Variants in KIRREL3 observed in about 807,000 individuals in gnomAD.
The protein encoded by KIRREL3 is kirre like nephrin family adhesion molecule 3, also known as kin of IRRE-like protein 3.
KIRREL3 carries 36 observed loss-of-function variants against 89.7 expected under a neutral mutation model. The ratio of observed to expected loss-of-function variants is 0.40; its 90% CI spans 0.31 to 0.53. The LOEUF (loss-of-function observed/expected upper bound fraction) is 0.53, where lower values mean the gene tolerates loss of function less well. Ranked by LOEUF, KIRREL3 falls within the 20% of genes least tolerant of loss-of-function variation. KIRREL3 has a pLI of 0.49. For synonymous variants in KIRREL3, 445 were observed against 441.4 expected, an observed-to-expected ratio of 1.01 and a Z score of -0.10; for missense variants, 864 against 1,056.6, an observed-to-expected ratio of 0.82 and a Z score of 2.53.
At chr11:126,767,850 T>C (rs1039303444) in intron 1 of KIRREL3, among the ~76,000 whole-genome samples, 1 of 152,182 alleles carries the variant, frequency 6.6e-6, no homozygotes, top group South Asian at 2.1e-4. Context: ...TGGCTGACAA[T>C]TTGATTGGTG....
In KIRREL3 at chr11:126,635,688, G is replaced by GTCA. The variant is rs1246608771; in HGVS notation, c.56-72779_56-72777dup. ...TGACCCCAGCTGGATATCTGCTCAC[G>GTCA]TCATCAAAGCTCTTGAGGCCTCAGC... On this transcript the variant is annotated intron_variant, in intron 1 of 16. Transcript: ENST00000525144. This position sits in a 1 kb window ranked among gnomAD's most constrained non-coding sequence, Gnocchi z 4.0. 4.6e-5 allele frequency among the ~76,000 whole-genome samples: 7 copies of GTCA among 152,136 alleles called. No individual in the cohort carries two copies. The highest frequency in any genetic ancestry group is 7.2e-5 in the African/African-American group (3 of 41,434).
rs1399071992 is a variant in KIRREL3 at position 126,872,328 on chromosome 11, T to G, written c.55+128127A>C. ...CTAAGTAACCACCTCTTAATTTGCA[T>G]GTAAATAAAGGGGGTATAAACACAG... On this transcript the variant is annotated intron_variant, in intron 1 of 16. Coordinates refer to ENST00000525144, the MANE Select transcript of KIRREL3 (RefSeq NM_032531.4). The surrounding 1 kb of genome is among the most constrained non-coding windows in gnomAD (Gnocchi z 4.2). Among the ~76,000 whole-genome samples, 1 of 152,206 alleles carries G rather than the reference T, an allele frequency of 6.6e-6. No homozygotes were observed. Among genetic ancestry groups the G allele is most frequent in the Non-Finnish European group, 1.5e-5 (1 of 68,018 alleles).
chr11:126,852,374 T>C (rs7931792), intron 1 of KIRREL3, among the ~76,000 whole-genome samples: 2,283 of 152,230 alleles, frequency 0.015, 61 homozygotes, highest in African/African-American at 0.052. Flanking sequence ...TAATCTTAGC[T>C]CTACTATTTA....
chr11:126,859,104 A>C (rs1944627477), intron 1 of KIRREL3, among the ~76,000 whole-genome samples: 1 of 152,198 alleles, frequency 6.6e-6, no homozygotes, highest in Non-Finnish European at 1.5e-5. Context: ...ACCTTTGCTG[A>C]GCTACCTTGC....
intron 1 of KIRREL3, among the ~76,000 whole-genome samples, chr11:126,595,119 G>A (rs1435516041): frequency 1.3e-5 from 2 of 152,250 alleles, no homozygotes; most frequent in African/African-American, 4.8e-5. Flanking sequence ...CCGGCTGAGA[G>A]CACTCAAGAG....
chr11:126,464,881 G>A (rs1565476787), intron 5 of KIRREL3, among the ~76,000 whole-genome samples: 1 of 152,170 alleles, frequency 6.6e-6, no homozygotes. Context: ...GCCCTAGGAA[G>A]CAAACCCATC....
chr11:126,698,046 T>C (rs1380070562), intron 1 of KIRREL3, among the ~76,000 whole-genome samples: 1 of 152,182 alleles, frequency 6.6e-6, no homozygotes, highest in Non-Finnish European at 1.5e-5. Context: ...ATGGCACAGC[T>C]GAGGAGGAAA....
At chr11:126,960,050 G>A (rs1314604769) in intron 1 of KIRREL3, among the ~76,000 whole-genome samples, 2 of 152,044 alleles carry the variant, frequency 1.3e-5, no homozygotes, top group African/African-American at 2.4e-5. Context: ...TAGATACTTA[G>A]CACATGACTG....
intron 1 of KIRREL3, among the ~76,000 whole-genome samples, chr11:126,596,876 G>A (rs1215570172): frequency 1.3e-5 from 2 of 152,180 alleles, no homozygotes; most frequent in East Asian, 1.9e-4. Context: ...GACAGAGCCC[G>A]GGCTGCAGTT....
At position 126,876,342 on chromosome 11, in the gene KIRREL3, G is replaced by A. The variant is rs10790850; in HGVS notation, c.55+124113C>T. 0.84 allele frequency among the ~76,000 whole-genome samples: 127,322 copies of A among 152,106 alleles called. 53,427 individuals are homozygous for A. The highest frequency in any genetic ancestry group is 1 in the East Asian group (5,167 of 5,172). The stretch of plus-strand genomic sequence containing the variant: ...CCTGAAGGCACGGACTACAGAAAGG[G>A]AAAATGTGGAGAAGCAGATAGCAAT... On this transcript the variant is annotated intron_variant, in intron 1 of 16. Transcript: ENST00000525144. The surrounding 1 kb of genome is among the most constrained non-coding windows in gnomAD (Gnocchi z 4.1).
Position 126,521,501 on chromosome 11 carries a change from G to GGGT in KIRREL3, c.284-40_284-38dup, listed in dbSNP as rs781390300. 1.9e-6 allele frequency: 3 copies of GGGT among 1,550,670 alleles called. No individual in the cohort carries two copies. The African/African-American group carries it at 4.1e-5, about 21-fold the overall frequency. Reference sequence around the variant, plus strand: ...ACAGGCAGGTCAGGGAGCTGGGGTGGGGTGGAGGGGACACCCATGACAAAG... The same window carrying GGGT: ...ACAGGCAGGTCAGGGAGCTGGGGTGGGGTGGTGGAGGGGACACCCATGACAAAG... On this transcript the variant is annotated intron_variant, in intron 3 of 16. Coordinates refer to ENST00000525144, the MANE Select transcript of KIRREL3 (RefSeq NM_032531.4). The surrounding 1 kb of genome is among the most constrained non-coding windows in gnomAD (Gnocchi z 4.1).
rs1950833428 is a variant in KIRREL3 at position 126,797,027 on chromosome 11, G to T, written c.55+203428C>A. Among the ~76,000 whole-genome samples the T allele has an allele frequency of 6.6e-6, 1 of 152,224 alleles. No homozygotes were observed. The highest frequency in any genetic ancestry group is 6.5e-5 in the Admixed American group (1 of 15,282). On this transcript the variant is annotated intron_variant, in intron 1 of 16. Coordinates refer to ENST00000525144, the MANE Select transcript of KIRREL3 (RefSeq NM_032531.4). The surrounding 1 kb of genome is among the most constrained non-coding windows in gnomAD (Gnocchi z 4.9). ...GGCTGGGGACAGAAAGGCTGATCCT[G>T]TGAAGATTCTCTGCACACTATTGGA...
In KIRREL3 at chr11:126,666,126, T is replaced by C. The variant is rs75296380; in HGVS notation, c.56-103214A>G. 0.082 allele frequency among the ~76,000 whole-genome samples: 12,559 copies of C among 152,280 alleles called. 653 individuals are homozygous for C. The highest frequency in any genetic ancestry group is 0.17 in the Middle Eastern group (51 of 292). ...CTTGCCTACTGCATTGTCTGTATCATAGAAGTTGAGGAACCATTAAGCATT... is the reference window on the plus strand; with the variant it reads ...CTTGCCTACTGCATTGTCTGTATCACAGAAGTTGAGGAACCATTAAGCATT... On this transcript the variant is annotated intron_variant, in intron 1 of 16. Transcript: ENST00000525144. This position sits in a 1 kb window ranked among gnomAD's most constrained non-coding sequence, Gnocchi z 4.2.
intron 1 of KIRREL3, among the ~76,000 whole-genome samples, chr11:126,826,106 C>T (rs1187055588): frequency 6.6e-6 from 1 of 152,118 alleles, no homozygotes; most frequent in Non-Finnish European, 1.5e-5. Flanking sequence ...GTTCCCCACC[C>T]CATTACGCTT....
chr11:126,780,207 G>T lies in KIRREL3; in HGVS notation c.56-217295C>A, dbSNP rs1950286748. Reference sequence around the variant, plus strand: ...AAACAGGAAAAGACTGCAGAAGGAAGAAGATAAGGAAGCAACAGAAACCCC... The same window carrying T: ...AAACAGGAAAAGACTGCAGAAGGAATAAGATAAGGAAGCAACAGAAACCCC... On this transcript the variant is annotated intron_variant, in intron 1 of 16. Transcript: ENST00000525144. The surrounding 1 kb of genome is among the most constrained non-coding windows in gnomAD (Gnocchi z 5.3). 6.6e-6 allele frequency among the ~76,000 whole-genome samples: 1 copy of T among 152,164 alleles called. No individual in the cohort carries two copies.
At chr11:126,619,196 G>T (rs1483042210) in intron 1 of KIRREL3, among the ~76,000 whole-genome samples, 2 of 152,242 alleles carry the variant, frequency 1.3e-5, no homozygotes, top group African/African-American at 4.8e-5. Context: ...GAATGACAAG[G>T]ATATGCCTTC....
Position 126,689,759 on chromosome 11 carries a change from C to T in KIRREL3, c.56-126847G>A, listed in dbSNP as rs567829489. Among the ~76,000 whole-genome samples the T allele has an allele frequency of 3.2e-4, 49 of 152,350 alleles. No individual in the cohort carries two copies. The highest frequency in any genetic ancestry group is 1.1e-3 in the African/African-American group (46 of 41,594). ...TTGGCCACCTGGGTCTCAGCAGAGG[C>T]CCTCCCAAGACTGACAGGTTAGCAC... On this transcript the variant is annotated intron_variant, in intron 1 of 16. Coordinates refer to ENST00000525144, the MANE Select transcript of KIRREL3 (RefSeq NM_032531.4). This position sits in a 1 kb window ranked among gnomAD's most constrained non-coding sequence, Gnocchi z 5.2.
At chr11:126,545,278 C>T (rs763764659) in intron 2 of KIRREL3, among the ~76,000 whole-genome samples, 4 of 152,036 alleles carry the variant, frequency 2.6e-5, no homozygotes, top group Admixed American at 6.6e-5. Context: ...GTGTGGTGGA[C>T]GGGAGTGAGC....
rs561305550 is a variant in KIRREL3 at position 126,576,303 on chromosome 11, G to C, written c.56-13391C>G. Among the ~76,000 whole-genome samples, 9 of 152,298 alleles carry C rather than the reference G, an allele frequency of 5.9e-5. No homozygotes were observed. The highest frequency in any genetic ancestry group is 2.2e-4 in the African/African-American group (9 of 41,548). The stretch of plus-strand genomic sequence containing the variant: ...CTCAGGTATGGGTCAGCTTTATGTA[G>C]TTAACCTTCCAGTCATTCAGGTTTT... On this transcript the variant is annotated intron_variant, in intron 1 of 16. Coordinates refer to ENST00000525144, the MANE Select transcript of KIRREL3 (RefSeq NM_032531.4). The surrounding 1 kb of genome is among the most constrained non-coding windows in gnomAD (Gnocchi z 5.4).
Sources: gnomAD v4.1 joint callset for allele counts (sites outside exome capture counted in the v4.1 genomes callset) on GRCh38, gnomAD v4.1.1 for gene constraint, Gnocchi (gnomAD v3.1) non-coding constraint, MANE v1.5 for transcripts, NCBI Gene and HGNC (gene_info 2026-07-23, HGNC 2026-07-21) for gene names.